SRGAP3: variants seen among roughly 807,000 people sequenced by gnomAD.
SRGAP3 encodes SLIT-ROBO Rho GTPase activating protein 3, also known as SLIT-ROBO Rho GTPase-activating protein 3.
Under a neutral mutation model 121.1 loss-of-function variants are expected in SRGAP3, and 39 were observed. The observed-to-expected ratio is 0.32, with a 90% CI of 0.25 to 0.42. The LOEUF is 0.42. Among genes scored for constraint, SRGAP3 ranks in the 10% least tolerant of loss-of-function variants. The pLI is 1.00. For missense variants in SRGAP3, 1,213 were observed against 1,470.6 expected (o/e 0.82, Z 2.86); for synonymous variants, 601 against 570.0 (o/e 1.05, Z -0.77).
intron 3 of SRGAP3, among the ~76,000 whole-genome samples, chr3:9,287,341 T>C (rs1954793973): frequency 6.6e-6 from 1 of 152,194 alleles, no homozygotes; most frequent in Non-Finnish European, 1.5e-5. Context: ...TAGTCCTCCT[T>C]CTGCTTAAAG....
At chr3:9,206,824 C>A (rs1015372673) in intron 1 of SRGAP3, among the ~76,000 whole-genome samples, 4 of 152,194 alleles carry the variant, frequency 2.6e-5, no homozygotes, top group African/African-American at 9.7e-5. Context: ...CTTCATCGCA[C>A]CTATCAGTGC....
At chr3:9,065,343 A>C (rs1366900289) in intron 4 of SRGAP3, 2 of 152,236 alleles carry the variant, frequency 1.3e-5, no homozygotes, top group Non-Finnish European at 2.9e-5. Context: ...CTAATCCAAC[A>C]ACCTTCTAGT....
intron 3 of SRGAP3, among the ~76,000 whole-genome samples, chr3:9,303,446 C>CT (rs1039603546): frequency 2.1e-4 from 32 of 151,188 alleles, no homozygotes; most frequent in African/African-American, 7.3e-4. Context: ...AAAAAGAACA[C>CT]TTAACATAAG....
At chr3:9,100,662 C>G (rs989599887) in intron 3 of SRGAP3, among the ~76,000 whole-genome samples, 5 of 152,142 alleles carry the variant, frequency 3.3e-5, no homozygotes, top group African/African-American at 9.7e-5. Context: ...ACAATTGGTA[C>G]AAAAATACAA....
chr3:9,258,700 C>T (rs907667012), intron 3 of SRGAP3, among the ~76,000 whole-genome samples: 1 of 152,184 alleles, frequency 6.6e-6, no homozygotes, highest in Non-Finnish European at 1.5e-5. Context: ...GCTATCATTG[C>T]CCCCTGTATT....
chr3:8,997,020 A>G (rs369086538), intron 18 of SRGAP3, among the ~76,000 whole-genome samples: 4 of 152,310 alleles, frequency 2.6e-5, no homozygotes. Flanking sequence ...GAGGGAAAGA[A>G]AACAGGAGGA....
At chr3:8,994,080 C>A in intron 19 of SRGAP3, 1 of 503,212 alleles carries the variant, frequency 2.0e-6, no homozygotes, top group South Asian at 2.0e-5. Flanking sequence ...ATGGCACTCC[C>A]TGGGGGCTGT....
chr3:9,018,198 G>A (rs1353524936), intron 14 of SRGAP3, among the ~76,000 whole-genome samples: 1 of 152,124 alleles, frequency 6.6e-6, no homozygotes, highest in Non-Finnish European at 1.5e-5. Flanking sequence ...TCTTCTTTAT[G>A]GCTGGATAGT....
At chr3:9,097,971 T>G (rs1948056518) in intron 3 of SRGAP3, among the ~76,000 whole-genome samples, 1 of 152,114 alleles carries the variant, frequency 6.6e-6, no homozygotes, top group African/African-American at 2.4e-5. Flanking sequence ...CCAAGTATCC[T>G]CCCTGATACA....
Position 9,013,840 on chromosome 3 carries a change from G to A in SRGAP3, c.1816C>T (p.Leu606=). ...RFQDLISTIK[L]ENPAERVHQI... Reference sequence around the variant, plus strand: ...TGCACCCTCTCGGCTGGGTTCTCCAGTTCTGTAACATAAAGGGGCCTTTCA... The same window carrying A: ...TGCACCCTCTCGGCTGGGTTCTCCAATTCTGTAACATAAAGGGGCCTTTCA... The change falls in exon 16 of 22, where the codon CTG becomes TTG. Residue 606 remains leucine (L), a splice_region_variant and synonymous_variant. Transcript: ENST00000383836. 1 of 1,614,188 alleles carries A rather than the reference G, an allele frequency of 6.2e-7. No individual in the cohort carries two copies. The highest frequency in any genetic ancestry group is 1.7e-4 in the Middle Eastern group (1 of 6,060).
rs1184040043 is a variant in SRGAP3, at chr3:9,115,231, G to A, written c.260+9494C>T. 3.3e-5 allele frequency among the ~76,000 whole-genome samples: 5 copies of A among 152,274 alleles called. 1 individual carries two copies. In the South Asian group the frequency reaches 6.2e-4, roughly 19 times the overall value. On this transcript the variant is annotated intron_variant, in intron 2 of 21. Transcript: ENST00000383836. ...TCAACTCTCACCAGGGTTCTTGGGA[G>A]GATTTAAGCAGCTAAGGGCTGAGGA...
At chr3:9,280,030 GCTTGTCCCC>G in intron 3 of SRGAP3, among the ~76,000 whole-genome samples, 1 of 152,308 alleles carries the variant, frequency 6.6e-6, no homozygotes, top group Admixed American at 6.5e-5. Flanking sequence ...TGAGTGGACA[GCTTGTCCCC>G]CTTAAAGGGC....
At chr3:9,243,632 C>CT (rs1482615277) in intron 1 of SRGAP3, among the ~76,000 whole-genome samples, 1 of 115,266 alleles carries the variant, frequency 8.7e-6, no homozygotes, top group Non-Finnish European at 1.8e-5. Context: ...GAGACTCTGT[C>CT]TTAAAAAAAA....
intron 1 of SRGAP3, among the ~76,000 whole-genome samples, chr3:9,345,248 C>T (rs2648547): frequency 0.48 from 73,283 of 151,918 alleles, 19,143 homozygotes; most frequent in South Asian, 0.71. Context: ...CTCAGCAATT[C>T]GGGAGGCCCA....
At chr3:9,286,448 A>G (rs983640671) in intron 3 of SRGAP3, among the ~76,000 whole-genome samples, 1 of 151,346 alleles carries the variant, frequency 6.6e-6, no homozygotes, top group Non-Finnish European at 1.5e-5. Flanking sequence ...ATCACTTGAG[A>G]CCAGGAGTTC....
intron 10 of SRGAP3, among the ~76,000 whole-genome samples, chr3:9,046,288 G>C (rs574054204): frequency 6.6e-5 from 10 of 152,318 alleles, no homozygotes; most frequent in African/African-American, 2.4e-4. Flanking sequence ...TAGAGTGTGG[G>C]GTGCTGACTG....
intron 3 of SRGAP3, chr3:9,325,862 A>G (rs1289043469): frequency 6.6e-6 from 1 of 151,908 alleles, no homozygotes; most frequent in African/African-American, 2.4e-5. Flanking sequence ...TTTCATTTCT[A>G]TTGTTCATAG....
At chr3:9,062,833 T>C (rs890753481) in intron 5 of SRGAP3, among the ~76,000 whole-genome samples, 1 of 152,234 alleles carries the variant, frequency 6.6e-6, no homozygotes, top group Admixed American at 6.5e-5. Context: ...CTGCTATTCA[T>C]GTACAAGTCT....
At chr3:9,360,551 A>G (rs1321036021) in intron 1 of SRGAP3, among the ~76,000 whole-genome samples, 2 of 152,204 alleles carry the variant, frequency 1.3e-5, no homozygotes, top group African/African-American at 4.8e-5. Flanking sequence ...CATACCCAAG[A>G]CTGGGCAATT....
Sources: allele counts gnomAD v4.1 joint callset (sites outside exome capture counted in the v4.1 genomes callset), GRCh38; gene constraint gnomAD v4.1.1; transcripts MANE v1.5; gene names NCBI Gene and HGNC (gene_info 2026-07-23, HGNC 2026-07-21).